PPP2R3A: variants seen among roughly 807,000 people sequenced by gnomAD.
PPP2R3A encodes the protein protein phosphatase 2 regulatory subunit B''alpha.
PPP2R3A carries 80 observed loss-of-function variants against 106.9 expected under a neutral mutation model. The ratio of observed to expected loss-of-function variants is 0.75; its 90% CI spans 0.62 to 0.90. PPP2R3A has a LOEUF of 0.90. PPP2R3A is among the 40% of genes least tolerant of loss of function. PPP2R3A has a pLI of 0.00. For synonymous variants in PPP2R3A, 483 were observed against 468.3 expected, an observed-to-expected ratio of 1.03 and a Z score of -0.41; for missense variants, 1,386 against 1,350.4, an observed-to-expected ratio of 1.03 and a Z score of -0.41.
chr3:136,017,041 G>A (rs1934302568), intron 2 of PPP2R3A, among the ~76,000 whole-genome samples: 1 of 152,132 alleles, frequency 6.6e-6, no homozygotes, highest in Non-Finnish European at 1.5e-5. Flanking sequence ...GCATTGGTTT[G>A]TCTGAAAAAG....
intron 13 of PPP2R3A, among the ~76,000 whole-genome samples, chr3:136,133,210 G>C (rs920185232): frequency 2.0e-5 from 3 of 151,770 alleles, no homozygotes; most frequent in Non-Finnish European, 4.4e-5. Flanking sequence ...ACACCATTAA[G>C]AAAATGAAAA....
At chr3:136,104,816 G>A (rs916026623) in intron 12 of PPP2R3A, among the ~76,000 whole-genome samples, 6 of 152,016 alleles carry the variant, frequency 3.9e-5, no homozygotes, top group African/African-American at 1.5e-4. Flanking sequence ...ACTCATGTTC[G>A]GCTTGGAAAG....
intron 5 of PPP2R3A, chr3:136,055,044 A>G (rs958716877): frequency 1.7e-4 from 53 of 304,848 alleles, no homozygotes; most frequent in Admixed American, 2.7e-4. Context: ...ATGTAATAAA[A>G]GTTAATGTTT....
At chr3:136,128,820 C>G (rs888325836) in intron 13 of PPP2R3A, among the ~76,000 whole-genome samples, 1 of 152,162 alleles carries the variant, frequency 6.6e-6, no homozygotes. Context: ...CAAACTGTCT[C>G]TCAGACCACA....
rs1359401884 is a variant in PPP2R3A, at chr3:136,078,384, C to T, written c.2562C>T (p.Phe854=). 1.2e-5 allele frequency: 19 copies of T among 1,607,590 alleles called. 1 individual carries two copies. Among genetic ancestry groups the T allele is most frequent in the Non-Finnish European group, 1.3e-5 (15 of 1,175,882 alleles). The part of the protein sequence containing the change: ...RYITTVIQRI[F]YTVNRSWSGK... ...GGAACCAGGTTATTCAGAGAATATTCTACACAGTCAACAGATCTTGGAGTG... is the reference window on the plus strand; with the variant it reads ...GGAACCAGGTTATTCAGAGAATATTTTACACAGTCAACAGATCTTGGAGTG... Residue 854 remains phenylalanine (F), a synonymous_variant, in exon 7 of 14, where the codon TTC becomes TTT. Coordinates refer to ENST00000264977, the MANE Select transcript of PPP2R3A (RefSeq NM_002718.5).
chr3:136,073,124 C>G (rs1015644630), intron 6 of PPP2R3A, among the ~76,000 whole-genome samples: 1 of 152,090 alleles, frequency 6.6e-6, no homozygotes, highest in Non-Finnish European at 1.5e-5. Context: ...CCCACCACCA[C>G]GCCCGGCTAA....
chr3:136,025,342 T>C (rs1934608968), intron 2 of PPP2R3A, among the ~76,000 whole-genome samples: 1 of 152,106 alleles, frequency 6.6e-6, no homozygotes, highest in Non-Finnish European at 1.5e-5. Context: ...TTCCCTTTGT[T>C]CTGTTTCTTC....
rs772119196 is a variant in PPP2R3A, at chr3:136,145,158, G to A, written c.3445G>A (p.Glu1149Lys). 6.2e-7 allele frequency: 1 copy of A among 1,609,304 alleles called. No individual in the cohort carries two copies. Among genetic ancestry groups the A allele is most frequent in the Admixed American group, 1.7e-5 (1 of 58,738 alleles). The change falls in exon 14 of 14, where the codon GAA becomes AAA. Residue 1149 changes from glutamate to lysine, a missense_variant. Glu to Lys is a moderately conservative substitution (Grantham distance 56). Coordinates refer to ENST00000264977, the MANE Select transcript of PPP2R3A (RefSeq NM_002718.5). ...ATGTGGAAAGCTTCAATCAGTGGATGAAGAATAGCTGCCGGTGTCTACAAT... is the reference window on the plus strand; with the variant it reads ...ATGTGGAAAGCTTCAATCAGTGGATAAAGAATAGCTGCCGGTGTCTACAAT... ...EKCGKLQSVDEE is the reference protein window; with the variant it reads ...EKCGKLQSVDKE
intron 2 of PPP2R3A, among the ~76,000 whole-genome samples, chr3:136,004,435 G>A (rs1003527846): frequency 2.0e-5 from 3 of 152,136 alleles, no homozygotes; most frequent in African/African-American, 4.8e-5. Flanking sequence ...GGGGAACAAA[G>A]GGGTGATGCT....
chr3:136,102,190 C>T lies in PPP2R3A; in HGVS notation c.3103+8C>T, dbSNP rs1488886798. ...TGAAGCCAGCTGTTGATGGTGAGAC[C>T]AAGCAATGGGACAGATGCACTGTTC... is the stretch of plus-strand genomic sequence containing the variant. On this transcript the variant is annotated splice_region_variant and intron_variant, in intron 11 of 13. Coordinates refer to ENST00000264977, the MANE Select transcript of PPP2R3A (RefSeq NM_002718.5). 1 of 1,612,266 alleles carries T rather than the reference C, an allele frequency of 6.2e-7. No homozygotes were observed. The highest frequency in any genetic ancestry group is 1.7e-5 in the Admixed American group (1 of 59,988).
At chr3:136,085,953 T>G (rs1489392669) in intron 8 of PPP2R3A, among the ~76,000 whole-genome samples, 1 of 151,432 alleles carries the variant, frequency 6.6e-6, no homozygotes, top group Non-Finnish European at 1.5e-5. Context: ...AATTAAAAAA[T>G]GTCTTTCAAA....
At chr3:136,054,044 TG>T (rs1333502688) in intron 5 of PPP2R3A, among the ~76,000 whole-genome samples, 1 of 152,048 alleles carries the variant, frequency 6.6e-6, no homozygotes, top group African/African-American at 2.4e-5. Context: ...AGAATTTTTT[TG>T]GGGGGGAAAT....
intron 6 of PPP2R3A, among the ~76,000 whole-genome samples, chr3:136,075,840 CTT>C (rs1474841375): frequency 3.9e-5 from 6 of 152,084 alleles, no homozygotes; most frequent in Non-Finnish European, 8.8e-5. Flanking sequence ...TTGAAATTGA[CTT>C]TAACTTGAGA....
intron 7 of PPP2R3A, among the ~76,000 whole-genome samples, chr3:136,080,288 A>G (rs1380537287): frequency 6.6e-6 from 1 of 152,168 alleles, no homozygotes. Flanking sequence ...TTGATGTCCA[A>G]ATCGTTTTCA....
chr3:136,014,835 G>C (rs1934215971), intron 2 of PPP2R3A, among the ~76,000 whole-genome samples: 1 of 152,026 alleles, frequency 6.6e-6, no homozygotes, highest in South Asian at 2.1e-4. Context: ...TTGCCTGATT[G>C]CTCTGACTAG....
intron 2 of PPP2R3A, among the ~76,000 whole-genome samples, chr3:136,009,975 G>T (rs375266636): frequency 1.3e-5 from 2 of 152,160 alleles, no homozygotes; most frequent in East Asian, 1.9e-4. Context: ...CCAACCTCCA[G>T]TGGGTCTTTA....
At chr3:136,089,922 G>T (rs1289332285) in intron 9 of PPP2R3A, among the ~76,000 whole-genome samples, 2 of 152,118 alleles carry the variant, frequency 1.3e-5, no homozygotes, top group African/African-American at 2.4e-5. Flanking sequence ...TGCTATTGGT[G>T]TATTGAAATG....
chr3:135,982,068 G>A (rs1937546232), intron 1 of PPP2R3A, among the ~76,000 whole-genome samples: 1 of 151,732 alleles, frequency 6.6e-6, no homozygotes, highest in South Asian at 2.1e-4. Flanking sequence ...ATGATGGTTA[G>A]GATCGTGATT....
intron 13 of PPP2R3A, among the ~76,000 whole-genome samples, chr3:136,123,654 AACATAAATATTCCTGCT>A (rs1316564820): frequency 6.6e-6 from 1 of 152,224 alleles, no homozygotes; most frequent in Non-Finnish European, 1.5e-5. Context: ...CCAGGAAACA[AACATAAATATTCCTGCT>A]TCACTAGTGT....
Sources: gnomAD v4.1 joint callset for allele counts (sites outside exome capture counted in the v4.1 genomes callset) on GRCh38, gnomAD v4.1.1 for gene constraint, MANE v1.5 for transcripts, NCBI Gene and HGNC (gene_info 2026-07-23, HGNC 2026-07-21) for gene names.